Variants in SPSB4 observed in about 807,000 individuals in gnomAD.
SPSB4 encodes SPRY domain-containing SOCS box protein 4.
Under a neutral mutation model 20.9 loss-of-function variants are expected in SPSB4, and 21 were observed. The observed-to-expected ratio is 1.01, with a 90% CI of 0.71 to 1.45. The LOEUF is 1.45. Among genes scored for constraint, SPSB4 ranks in the 40% most tolerant of loss-of-function variants. The probability of loss-of-function intolerance (pLI) is 0.00; values close to 1 mark genes in which losing one functional copy is unlikely to be tolerated. For synonymous variants in SPSB4, 207 were observed against 183.8 expected (o/e 1.13, Z -1.02); for missense variants, 399 against 399.2 (o/e 1.00, Z 0.00).
intron 2 of SPSB4, among the ~76,000 whole-genome samples, chr3:141,092,123 A>AG (rs1938463034): frequency 2.6e-5 from 4 of 152,176 alleles, no homozygotes; most frequent in Non-Finnish European, 4.4e-5. Context: ...AATCAGACGG[A>AG]GCTAGGTTCA....
intron 2 of SPSB4, among the ~76,000 whole-genome samples, chr3:141,090,923 T>C (rs973571646): frequency 2.0e-5 from 3 of 152,104 alleles, no homozygotes; most frequent in Non-Finnish European, 2.9e-5. Flanking sequence ...GAGAAGTAGT[T>C]GGATGCTGGA....
chr3:141,095,562 A>C (rs2107793677), intron 2 of SPSB4, among the ~76,000 whole-genome samples: 1 of 152,150 alleles, frequency 6.6e-6, no homozygotes. Flanking sequence ...ATCAGGCAGA[A>C]GAAGGGAGTT....
intron 2 of SPSB4, among the ~76,000 whole-genome samples, chr3:141,136,169 TG>T (rs1939224341): frequency 1.3e-5 from 2 of 152,208 alleles, no homozygotes; most frequent in South Asian, 4.1e-4. Flanking sequence ...TCATATCCTT[TG>T]CCCACTTTTT....
intron 2 of SPSB4, among the ~76,000 whole-genome samples, chr3:141,135,546 T>A (rs1939213004): frequency 1.4e-5 from 2 of 147,670 alleles, no homozygotes; most frequent in Admixed American, 1.4e-4. Context: ...CCTGTGTCCA[T>A]GTGTTCTCAT....
In SPSB4 at chr3:141,099,030, C is replaced by G. The variant is rs187377512; in HGVS notation, c.694+32232C>G. 5.7e-4 allele frequency among the ~76,000 whole-genome samples: 87 copies of G among 152,310 alleles called. 1 individual carries two copies. In the East Asian group the frequency reaches 0.01, roughly 18 times the overall value. ...AGGCCCCTCCCAAGATACTAACCCACTCCTATAGTAACAGCATTAACATAT... is the reference window on the plus strand; with the variant it reads ...AGGCCCCTCCCAAGATACTAACCCAGTCCTATAGTAACAGCATTAACATAT... On this transcript the variant is annotated intron_variant, in intron 2 of 2. Transcript: ENST00000310546.
intron 2 of SPSB4, among the ~76,000 whole-genome samples, chr3:141,131,006 C>T (rs1939121597): frequency 6.6e-6 from 1 of 152,182 alleles, no homozygotes; most frequent in African/African-American, 2.4e-5. Context: ...TGTACTGAGG[C>T]ATTTGTAGAA....
intron 2 of SPSB4, among the ~76,000 whole-genome samples, chr3:141,111,354 CTTTTTTTTTTT>C (rs34223433): frequency 1.5e-4 from 9 of 61,802 alleles, no homozygotes; most frequent in Non-Finnish European, 2.2e-4. Context: ...CTGGAACTTG[CTTTTTTTTTTT>C]TTTTTTTTTT....
intron 2 of SPSB4, among the ~76,000 whole-genome samples, chr3:141,122,932 C>T (rs1340459184): frequency 2.0e-5 from 3 of 152,206 alleles, no homozygotes; most frequent in Non-Finnish European, 4.4e-5. Context: ...CTTCCGCTTG[C>T]CCTCCATGGG....
intron 1 of SPSB4, among the ~76,000 whole-genome samples, chr3:141,064,140 T>A (rs1937818839): frequency 6.6e-6 from 1 of 152,254 alleles, no homozygotes; most frequent in Non-Finnish European, 1.5e-5. Context: ...AGCTCCTGGC[T>A]GGCTCTGCCA....
chr3:141,070,811 C>T lies in SPSB4; in HGVS notation c.694+4013C>T, dbSNP rs75793790. ...GAGTAAGTTGCTGAAGGCGACACTA[C>T]GAGTAACTGAGGGAGCCTGGATTCA... is the stretch of plus-strand genomic sequence containing the variant. On this transcript the variant is annotated intron_variant, in intron 2 of 2. Coordinates refer to ENST00000310546, the MANE Select transcript of SPSB4 (RefSeq NM_080862.3). Among the ~76,000 whole-genome samples, 644 of 152,340 alleles carry T rather than the reference C, an allele frequency of 4.2e-3. 8 individuals are homozygous for T. The highest frequency in any genetic ancestry group is 0.015 in the African/African-American group (612 of 41,576).
At chr3:141,060,907 G>A (rs550932291) in intron 1 of SPSB4, among the ~76,000 whole-genome samples, 3 of 152,128 alleles carry the variant, frequency 2.0e-5, no homozygotes, top group Non-Finnish European at 4.4e-5. Context: ...TTGTTTTTGT[G>A]TAAACTGTTG....
At chr3:141,096,686 A>T (rs1938552025) in intron 2 of SPSB4, among the ~76,000 whole-genome samples, 1 of 152,254 alleles carries the variant, frequency 6.6e-6, no homozygotes, top group Non-Finnish European at 1.5e-5. Flanking sequence ...AGTATATAGC[A>T]TCCTACATTA....
chr3:141,116,539 C>T (rs553567194), intron 2 of SPSB4, among the ~76,000 whole-genome samples: 1 of 152,294 alleles, frequency 6.6e-6, no homozygotes, highest in South Asian at 2.1e-4. Context: ...GAGTGCATCC[C>T]AGACCATGTT....
Position 141,095,460 on chromosome 3 carries a change from G to A in SPSB4, c.694+28662G>A, listed in dbSNP as rs376852350. Among the ~76,000 whole-genome samples, 7 of 152,166 alleles carry A rather than the reference G, an allele frequency of 4.6e-5. No individual in the cohort carries two copies. The East Asian group carries it at 1.4e-3, about 30-fold the overall frequency. ...CCACTCACCCACCTGCTCCCTTCCC[G>A]GCTCCCCTGAGACTTTGCTGGGACT... On this transcript the variant is annotated intron_variant, in intron 2 of 2. Transcript: ENST00000310546.
chr3:141,131,674 C>T (rs139753216), intron 2 of SPSB4, among the ~76,000 whole-genome samples: 17 of 152,342 alleles, frequency 1.1e-4, no homozygotes, highest in African/African-American at 3.6e-4. Flanking sequence ...CCTTCATTCT[C>T]GTGGCTGATT....
At chr3:141,076,494 A>T (rs1395694413) in intron 2 of SPSB4, among the ~76,000 whole-genome samples, 9 of 152,268 alleles carry the variant, frequency 5.9e-5, no homozygotes, top group Non-Finnish European at 1.5e-5. Flanking sequence ...TTGAGCACTC[A>T]CAAAAGGCCA....
At chr3:141,130,415 A>G (rs1269102054) in intron 2 of SPSB4, among the ~76,000 whole-genome samples, 1 of 152,220 alleles carries the variant, frequency 6.6e-6, no homozygotes. Flanking sequence ...AGTGTCTGCC[A>G]CAGAGTGTGT....
At chr3:141,107,944 G>C (rs1320920483) in intron 2 of SPSB4, among the ~76,000 whole-genome samples, 1 of 151,228 alleles carries the variant, frequency 6.6e-6, no homozygotes. Flanking sequence ...AACAGAGCGA[G>C]ACTCTGTCTT....
intron 2 of SPSB4, among the ~76,000 whole-genome samples, chr3:141,080,939 G>A (rs1938218162): frequency 6.6e-6 from 1 of 152,184 alleles, no homozygotes; most frequent in Admixed American, 6.5e-5. Context: ...CTGGCCCAGT[G>A]GGCTCCAGCT....
Sources: allele counts gnomAD v4.1 joint callset (sites outside exome capture counted in the v4.1 genomes callset), GRCh38; gene constraint gnomAD v4.1.1; transcripts MANE v1.5; gene names NCBI Gene and HGNC (gene_info 2026-07-23, HGNC 2026-07-21).